KMT2E: variants seen among roughly 807,000 people sequenced by gnomAD.
KMT2E encodes the protein histone reader KMT2E.
A neutral mutation model predicts 184.6 loss-of-function variants in KMT2E; 30 were observed. The observed-to-expected ratio is 0.16, with a 90% CI of 0.12 to 0.22. The LOEUF is 0.22. Among genes scored for constraint, KMT2E ranks in the 10% least tolerant of loss-of-function variants. The pLI, the probability that KMT2E is intolerant of heterozygous loss-of-function variation, is 1.00. For synonymous variants in KMT2E, 815 were observed against 776.5 expected (o/e 1.05, Z -0.82); for missense variants, 2,023 against 2,237.4 (o/e 0.90, Z 1.93).
At chr7:105,054,057 C>T (rs1007241407) in intron 3 of KMT2E, among the ~76,000 whole-genome samples, 7 of 151,958 alleles carry the variant, frequency 4.6e-5, no homozygotes, top group Non-Finnish European at 1.0e-4. Context: ...CCTGTAATCC[C>T]GGCTACTACG....
chr7:105,056,422 A>C (rs1161505499), intron 3 of KMT2E, among the ~76,000 whole-genome samples: 3 of 152,198 alleles, frequency 2.0e-5, no homozygotes, highest in Admixed American at 6.5e-5. Flanking sequence ...GACTGCTTAC[A>C]TGAATAAACA....
At position 105,035,931 on chromosome 7, in the gene KMT2E, A is replaced by G. The variant is rs142762423; in HGVS notation, c.-188-2195A>G. 7.4e-4 allele frequency among the ~76,000 whole-genome samples: 113 copies of G among 152,192 alleles called. 1 individual carries two copies. Among genetic ancestry groups the G allele is most frequent in the Non-Finnish European group, 1.6e-4 (11 of 68,036 alleles). The stretch of plus-strand genomic sequence containing the variant: ...GTGTTTTAATGCATTGTTACAGATT[A>G]AATGTAAGTTTGTTAACTGGATCAG... On this transcript the variant is annotated intron_variant, in intron 1 of 26. Coordinates refer to ENST00000311117, the MANE Select transcript of KMT2E (RefSeq NM_182931.3).
chr7:105,107,355 T>C lies in KMT2E; in HGVS notation c.2905-7T>C, dbSNP rs905435124. The C allele has an allele frequency of 2.8e-5, 44 of 1,555,922 alleles. No homozygotes were observed. Among genetic ancestry groups the C allele is most frequent in the Non-Finnish European group, 3.8e-5 (44 of 1,155,502 alleles). On this transcript the variant is annotated splice_polypyrimidine_tract_variant and splice_region_variant and intron_variant, in intron 21 of 26. Transcript: ENST00000311117. ...TTGTGTAATTTTTTTTTTTAATTTGTAAACAGGGATATGACAGATCTTCAA... is the reference window on the plus strand; with the variant it reads ...TTGTGTAATTTTTTTTTTTAATTTGCAAACAGGGATATGACAGATCTTCAA...
chr7:105,021,958 T>C (rs916449777), intron 1 of KMT2E, among the ~76,000 whole-genome samples: 2 of 152,192 alleles, frequency 1.3e-5, no homozygotes, highest in African/African-American at 4.8e-5. Context: ...TTATACTGTG[T>C]ACCAAGATCA....
At chr7:105,087,302 T>C (rs1277322764) in intron 13 of KMT2E, among the ~76,000 whole-genome samples, 1 of 147,578 alleles carries the variant, frequency 6.8e-6, no homozygotes, top group African/African-American at 2.5e-5. Flanking sequence ...ATATATAATA[T>C]ATAAATATAA....
chr7:105,057,805 GTA>G (rs1483087805), intron 3 of KMT2E, among the ~76,000 whole-genome samples: 2 of 152,068 alleles, frequency 1.3e-5, no homozygotes, highest in African/African-American at 4.8e-5. Flanking sequence ...TTTCACCCAT[GTA>G]TTATTCAGTA....
At chr7:105,095,446 A>G (rs1271670296) in intron 15 of KMT2E, among the ~76,000 whole-genome samples, 1 of 152,020 alleles carries the variant, frequency 6.6e-6, no homozygotes, top group East Asian at 1.9e-4. Context: ...GGAGGAGGAG[A>G]GGGCTACTAG....
intron 1 of KMT2E, among the ~76,000 whole-genome samples, chr7:105,019,842 C>T (rs1217975982): frequency 6.6e-6 from 1 of 152,086 alleles, no homozygotes; most frequent in Non-Finnish European, 1.5e-5. Flanking sequence ...CACGGTGGCT[C>T]ATACCTGTAA....
intron 3 of KMT2E, among the ~76,000 whole-genome samples, chr7:105,058,787 T>C (rs1285264556): frequency 6.6e-6 from 1 of 152,216 alleles, no homozygotes; most frequent in Non-Finnish European, 1.5e-5. Flanking sequence ...TTTTTGACCA[T>C]TTTGAAAATT....
chr7:105,065,069 C>G (rs1767371723), intron 5 of KMT2E, among the ~76,000 whole-genome samples: 1 of 152,092 alleles, frequency 6.6e-6, no homozygotes, highest in South Asian at 2.1e-4. Context: ...TTGGATTATT[C>G]AAGTTATTTG....
At chr7:105,106,947 A>G (rs540295236) in intron 20 of KMT2E, among the ~76,000 whole-genome samples, 175 bp downstream of exon 20, 8 of 152,346 alleles carry the variant, frequency 5.3e-5, no homozygotes, top group Middle Eastern at 3.4e-3. Flanking sequence ...TATTTTTACT[A>G]AAATGAGCAT....
intron 5 of KMT2E, among the ~76,000 whole-genome samples, chr7:105,065,525 C>T (rs941475993): frequency 6.6e-6 from 1 of 152,168 alleles, no homozygotes; most frequent in Non-Finnish European, 1.5e-5. Context: ...CAGTAGATGC[C>T]TGAAACTGCA....
At position 105,090,119 on chromosome 7, in the gene KMT2E, A is replaced by G; in HGVS notation, c.1469A>G (p.Lys490Arg). 6.2e-7 allele frequency: 1 copy of G among 1,613,502 alleles called. No individual in the cohort carries two copies. Among genetic ancestry groups the G allele is most frequent in the Middle Eastern group, 1.7e-4 (1 of 6,058 alleles). Residue 490 changes from lysine (K) to arginine (R), a missense_variant, in exon 14 of 27, where the codon AAA (lysine) becomes AGA (arginine). This residue lies in a region of KMT2E where 514 missense variants were observed against 621.8 expected (regional missense o/e 0.83). Transcript: ENST00000311117. ...AATAGTGGTTATGAGACCAGACGGA[A>G]AAAAGGAAAAAAAGACAAAGATATT... ...NINSGYETRR[K>R]KGKKDKDISK...
At chr7:105,102,543 T>G (rs1314779183) in intron 17 of KMT2E, 2 of 158,686 alleles carry the variant, frequency 1.3e-5, no homozygotes, top group Non-Finnish European at 2.7e-5. Flanking sequence ...ATAGGTAGAT[T>G]ATAAGAATTA....
At chr7:105,107,998 G>A in intron 22 of KMT2E, 73 bp downstream of exon 22, 3 of 1,031,394 alleles carry the variant, frequency 2.9e-6, no homozygotes, top group Non-Finnish European at 4.1e-6. Context: ...GAGGGGAATT[G>A]TTAGATGTAT....
rs368562012 is a variant in KMT2E, at chr7:105,031,313, C to T, written c.-188-6813C>T. Among the ~76,000 whole-genome samples, 31 of 141,560 alleles carry T rather than the reference C, an allele frequency of 2.2e-4. No individual in the cohort carries two copies. In the East Asian group the frequency reaches 4.6e-3, roughly 21 times the overall value. The allele number at this position is 141,560 out of a possible 152,430, so 92.9% of individuals were successfully genotyped here. On this transcript the variant is annotated intron_variant, in intron 1 of 26. Coordinates refer to ENST00000311117, the MANE Select transcript of KMT2E (RefSeq NM_182931.3). ...TGGAGGTTGCAGTGAGCCAAGATGG[C>T]GCCATTGCATTCCAGCCTGGGCAAC...
In KMT2E at chr7:105,095,477, G is replaced by C. The variant is rs78158339; in HGVS notation, c.1722+4163G>C. 1.6e-4 allele frequency among the ~76,000 whole-genome samples: 24 copies of C among 152,124 alleles called. No individual in the cohort carries two copies. In the East Asian group the frequency reaches 4.2e-3, roughly 27 times the overall value. Reference sequence around the variant, plus strand: ...ACTAGGGAGATAAAGTTGGCTATAGGTCACACAAAATACTCAGGGATGAAG... The same window carrying C: ...ACTAGGGAGATAAAGTTGGCTATAGCTCACACAAAATACTCAGGGATGAAG... On this transcript the variant is annotated intron_variant, in intron 15 of 26. Coordinates refer to ENST00000311117, the MANE Select transcript of KMT2E (RefSeq NM_182931.3).
chr7:105,083,532 C>A (rs989797604), intron 13 of KMT2E, among the ~76,000 whole-genome samples: 1 of 152,198 alleles, frequency 6.6e-6, no homozygotes, highest in Non-Finnish European at 1.5e-5. Context: ...TGTTATACAA[C>A]CAAAAGACTG....
chr7:105,107,729 A>G lies in KMT2E; in HGVS notation c.3272A>G (p.His1091Arg), dbSNP rs1798974811. The G allele has an allele frequency of 6.2e-7, 1 of 1,614,042 alleles. No individual in the cohort carries two copies. Among genetic ancestry groups the G allele is most frequent in the Non-Finnish European group, 8.5e-7 (1 of 1,180,034 alleles). ...NSNLRDLTPS[H>R]QLEVGGGFRI... ...AACTTGAGGGACCTGACACCCTCGC[A>G]TCAGTTGGAGGTTGGAGGAGGCTTC... Residue 1091 changes from histidine (H) to arginine (R), a missense_variant, in exon 22 of 27, where the codon CAT becomes CGT. His to Arg is a conservative substitution (Grantham distance 29). Around this residue, in one of 8 missense-constraint regions of KMT2E, gnomAD observed 1,108 missense variants for 1,050.9 expected, o/e 1.05. Coordinates refer to ENST00000311117, the MANE Select transcript of KMT2E (RefSeq NM_182931.3).
Sources: gnomAD v4.1 joint callset for allele counts (sites outside exome capture counted in the v4.1 genomes callset) on GRCh38, gnomAD v4.1.1 for gene constraint, gnomAD v4.1.1 regional missense constraint, MANE v1.5 for transcripts, NCBI Gene and HGNC (gene_info 2026-07-23, HGNC 2026-07-21) for gene names.